PLAGL2: variants seen among roughly 807,000 people sequenced by gnomAD.
PLAGL2 encodes the protein zinc finger protein PLAGL2.
In PLAGL2, 7 loss-of-function variants were observed where a neutral mutation model predicts 29.0. The observed-to-expected ratio is 0.24, with a 90% confidence interval of 0.14 to 0.45. The LOEUF (loss-of-function observed/expected upper bound fraction) is 0.45. Ranked by LOEUF, PLAGL2 falls within the 20% of genes least tolerant of loss-of-function variation. PLAGL2 has a pLI of 0.99. For missense variants in PLAGL2, 454 were observed against 648.2 expected, an observed-to-expected ratio of 0.70 and a Z score of 3.25; for synonymous variants, 234 against 266.0, an observed-to-expected ratio of 0.88 and a Z score of 1.17.
chr20:32,197,391 G>A lies in PLAGL2; in HGVS notation c.552C>T (p.Gly184=), dbSNP rs202188336. ...AGGGGTGCTTCTTCTCCTTGGCACC[G>A]CCTGCTACCCGGCGTGAGTGGGCCT... ...HLKAHSRRVA[G]GAKEKKHPCD... The change falls in exon 3 of 3, where the codon GGC becomes GGT. Residue 184 remains glycine (G), a synonymous_variant. Coordinates refer to ENST00000246229, the MANE Select transcript of PLAGL2 (RefSeq NM_002657.3). This position sits in a 1 kb window ranked among gnomAD's most constrained non-coding sequence, Gnocchi z 6.6. The A allele has an allele frequency of 4.2e-5, 67 of 1,611,194 alleles. No individual in the cohort carries two copies. The East Asian group carries it at 5.6e-4, about 13-fold the overall frequency.
intron 2 of PLAGL2, among the ~76,000 whole-genome samples, chr20:32,201,167 CTT>C (rs1389212734): frequency 1.3e-5 from 2 of 152,172 alleles, no homozygotes; most frequent in Admixed American, 1.3e-4. Context: ...TGAACCTCTA[CTT>C]TAAAATTTAC....
At chr20:32,199,638 C>T (rs2047248696) in intron 2 of PLAGL2, among the ~76,000 whole-genome samples, 1 of 152,138 alleles carries the variant, frequency 6.6e-6, no homozygotes, top group South Asian at 2.1e-4. Context: ...AATTTGAGAT[C>T]ACCCTGCACA....
chr20:32,202,239 GCTCTCAGCTCTGTCACAGC>G lies in PLAGL2; in HGVS notation c.-80_-62del. On this transcript the variant is annotated 5_prime_UTR_variant, in exon 2 of 3. Coordinates refer to ENST00000246229, the MANE Select transcript of PLAGL2 (RefSeq NM_002657.3). ...AAGCCTCCCCATCCGCTCCACACAG[GCTCTCAGCTCTGTCACAGC>G]CTCCAACGCAGCTTTCAGAAAACAA... The G allele has an allele frequency of 1.3e-6, 2 of 1,547,142 alleles. No homozygotes were observed. The highest frequency in any genetic ancestry group is 1.8e-6 in the Non-Finnish European group (2 of 1,128,074).
rs561998326 is a variant in PLAGL2 at position 32,197,793 on chromosome 20, G to A, written c.261-111C>T. ...CAGGAAACTAGATATAAAAACCATG[G>A]TAAAGGCTTGCAATGCAATACCAAA... On this transcript the variant is annotated intron_variant, in intron 2 of 2. Coordinates refer to ENST00000246229, the MANE Select transcript of PLAGL2 (RefSeq NM_002657.3). The surrounding 1 kb of genome is among the most constrained non-coding windows in gnomAD (Gnocchi z 6.6). The A allele has an allele frequency of 1.4e-3, 1,222 of 864,120 alleles. 3 individuals are homozygous for A. The highest frequency in any genetic ancestry group is 1.6e-3 in the Non-Finnish European group (865 of 557,032). The allele number at this position is 864,120 out of a possible 1,614,324, so 53.5% of individuals were successfully genotyped here. A position where few individuals can be genotyped will look rare whatever the true frequency, so the allele number is the denominator to read the frequency against.
In PLAGL2 at chr20:32,193,260, G is replaced by A. The variant is rs1441479865; in HGVS notation, c.*3192C>T. ...CAAAAAGGGAGGGGGGAGTTTAAAG[G>A]ACTACTAGGGAAAGTTTTAGGGCAG... is the stretch of plus-strand genomic sequence containing the variant. On this transcript the variant is annotated 3_prime_UTR_variant, in exon 3 of 3. Transcript: ENST00000246229. 1 of 152,204 alleles carries A rather than the reference G, an allele frequency of 6.6e-6. No individual in the cohort carries two copies. The allele number at this position is 152,204 out of a possible 1,614,324, so 9.4% of individuals were successfully genotyped here. A position where few individuals can be genotyped will look rare whatever the true frequency, so the allele number is the denominator to read the frequency against.
At position 32,196,623 on chromosome 20, in the gene PLAGL2, G is replaced by C. The variant is rs1489391984; in HGVS notation, c.1320C>G (p.Gly440=). ...GGGGCTGTGCCTCAGCCTGGGAGTA[G>C]CCCATGACCAGGCCTCCTGTGGCCC... ...PPGATGGLVM[G]YSQAEAQPLL... is the part of the protein sequence containing the mutation. Residue 440 remains glycine (G), a synonymous_variant, in exon 3 of 3, where the codon GGC becomes GGG. Transcript: ENST00000246229. The C allele has an allele frequency of 6.5e-7, 1 of 1,530,152 alleles. No individual in the cohort carries two copies. The highest frequency in any genetic ancestry group is 8.8e-7 in the Non-Finnish European group (1 of 1,141,532). The allele number at this position is 1,530,152 out of a possible 1,614,324, so 94.8% of individuals were successfully genotyped here.
At position 32,203,565 on chromosome 20, in the gene PLAGL2, T is replaced by C. The variant is rs997065770; in HGVS notation, c.-114-1273A>G. The stretch of plus-strand genomic sequence containing the variant: ...TGCCAAAATTTGATCATGAGGCTTT[T>C]CCATGTGAAGAGAGAAAAGGGGGTG... On this transcript the variant is annotated intron_variant, in intron 1 of 2. Coordinates refer to ENST00000246229, the MANE Select transcript of PLAGL2 (RefSeq NM_002657.3). 1.4e-4 allele frequency among the ~76,000 whole-genome samples: 21 copies of C among 152,230 alleles called. 1 individual carries two copies. Among genetic ancestry groups the C allele is most frequent in the Admixed American group, 6.5e-5 (1 of 15,284 alleles).
intron 2 of PLAGL2, 129 bp downstream of exon 2, chr20:32,201,790 G>T: frequency 4.2e-6 from 3 of 708,828 alleles, no homozygotes; most frequent in Non-Finnish European, 7.0e-6. Flanking sequence ...TTGGCATTCA[G>T]GGTATACTTG....
In PLAGL2 at chr20:32,202,294, T is replaced by TG; in HGVS notation, c.-114-3dup. 1 of 1,027,460 alleles carries TG rather than the reference T, an allele frequency of 9.7e-7. No homozygotes were observed. 63.6% of individuals were successfully genotyped at this position (1,027,460 alleles called of 1,614,324 possible). On this transcript the variant is annotated splice_region_variant and splice_polypyrimidine_tract_variant and intron_variant, in intron 1 of 2. Transcript: ENST00000246229. Reference sequence around the variant, plus strand: ...GCTTTCAGAAAACAATCTCTTCACCTGAAACATCAGAACACCTGGTGTTAG... The same window carrying TG: ...GCTTTCAGAAAACAATCTCTTCACCTGGAAACATCAGAACACCTGGTGTTAG...
chr20:32,207,726 C>A lies in PLAGL2; in HGVS notation c.-200G>T. ...GCCCCGGTAGTGGCGGCGGTCGGGC[C>A]ATTGTGCGGTGCATTGTGGGAGCCG... On this transcript the variant is annotated 5_prime_UTR_variant, in exon 1 of 3. The change abolishes an upstream ATG in the 5' untranslated region. Transcript: ENST00000246229. 1 of 355,124 alleles carries A rather than the reference C, an allele frequency of 2.8e-6. No individual in the cohort carries two copies. The highest frequency in any genetic ancestry group is 4.5e-6 in the Non-Finnish European group (1 of 223,112). The allele number at this position is 355,124 out of a possible 1,614,324, so 22.0% of individuals were successfully genotyped here.
intron 2 of PLAGL2, among the ~76,000 whole-genome samples, chr20:32,198,621 A>G (rs1233731712): frequency 1.3e-5 from 2 of 152,250 alleles, no homozygotes; most frequent in Non-Finnish European, 1.5e-5. Flanking sequence ...TGGGTGACAG[A>G]GCAAGACTCC....
chr20:32,201,991 G>A lies in PLAGL2; in HGVS notation c.188C>T (p.Pro63Leu), dbSNP rs1287763338. The A allele has an allele frequency of 1.2e-6, 2 of 1,613,952 alleles. No individual in the cohort carries two copies. Among genetic ancestry groups the A allele is most frequent in the African/African-American group, 2.7e-5 (2 of 74,916 alleles). ...EKLRPHSLPQ[P>L]EQRPYSCPQL... ...AGGGCAGCTATATGGTCTCTGCTCT[G>A]GTTGCGGGAGGCTGTGAGGCCTCAG... Residue 63 changes from proline (P) to leucine (L), a missense_variant, in exon 2 of 3, where the codon CCA (proline) becomes CTA (leucine). Pro to Leu is a moderately conservative substitution (Grantham distance 98). Coordinates refer to ENST00000246229, the MANE Select transcript of PLAGL2 (RefSeq NM_002657.3).
rs1443944960 is a variant in PLAGL2, at chr20:32,197,579, G to T, written c.364C>A (p.Pro122Thr). ...GAGCAGTGGAGGGCCTCTTTGTTAG[G>T]ATCATGGGTCTGCAGATGGTTCCGC... ...HLRNHLQTHDPNKEALHCSEC... is the reference protein window; with the variant it reads ...HLRNHLQTHDTNKEALHCSEC... The change falls in exon 3 of 3, where the codon CCT (proline) becomes ACT (threonine). Residue 122 changes from proline to threonine, a missense_variant. Pro to Thr is a conservative substitution (Grantham distance 38). Transcript: ENST00000246229. This position sits in a 1 kb window ranked among gnomAD's most constrained non-coding sequence, Gnocchi z 6.6. 6.2e-7 allele frequency: 1 copy of T among 1,614,178 alleles called. No homozygotes were observed. The highest frequency in any genetic ancestry group is 8.5e-7 in the Non-Finnish European group (1 of 1,180,024).
rs755594710 is a variant in PLAGL2, at chr20:32,197,226, C to G, written c.717G>C (p.Lys239Asn). The G allele has an allele frequency of 2.7e-5, 44 of 1,614,182 alleles. No individual in the cohort carries two copies. In the South Asian group the frequency reaches 4.4e-4, roughly 16 times the overall value. The stretch of plus-strand genomic sequence containing the variant: ...TGAGCAGCTCCTGCGAGTGGCTCTT[C>G]TTGACATGACGCGTCAGGTGGTCCT... ...GRKDHLTRHVKKSHSQELLKI... is the reference protein window; with the variant it reads ...GRKDHLTRHVNKSHSQELLKI... Residue 239 changes from lysine (K) to asparagine (N), a missense_variant, in exon 3 of 3, where the codon AAG becomes AAC. This residue lies in a region of PLAGL2 where 247 missense variants were observed against 350.3 expected (regional missense o/e 0.71). Coordinates refer to ENST00000246229, the MANE Select transcript of PLAGL2 (RefSeq NM_002657.3). This position sits in a 1 kb window ranked among gnomAD's most constrained non-coding sequence, Gnocchi z 6.6.
At chr20:32,202,868 A>G (rs1380584310) in intron 1 of PLAGL2, among the ~76,000 whole-genome samples, 1 of 152,206 alleles carries the variant, frequency 6.6e-6, no homozygotes, top group Admixed American at 6.5e-5. Flanking sequence ...TTAGCAGTGC[A>G]TCAACATCAG....
chr20:32,197,182 A>G lies in PLAGL2; in HGVS notation c.761T>C (p.Val254Ala), dbSNP rs1472350237. The G allele has an allele frequency of 6.2e-7, 1 of 1,614,204 alleles. No homozygotes were observed. Among genetic ancestry groups the G allele is most frequent in the Non-Finnish European group, 8.5e-7 (1 of 1,180,030 alleles). Reference protein sequence around the residue: ...QELLKIKTEPVDMLGLLSCSS... With the variant: ...QELLKIKTEPADMLGLLSCSS... ...GCAGCTGAGTAGGCCTAACATGTCCACGGGCTCTGTCTTGATCTTGAGCAG... is the reference window on the plus strand; with the variant it reads ...GCAGCTGAGTAGGCCTAACATGTCCGCGGGCTCTGTCTTGATCTTGAGCAG... The change falls in exon 3 of 3, where the codon GTG becomes GCG. Residue 254 changes from valine to alanine, a missense_variant. By Grantham distance (64) the Val-to-Ala change is moderately conservative (BLOSUM62 0). This residue lies in a region of PLAGL2 where 247 missense variants were observed against 350.3 expected (regional missense o/e 0.71). Transcript: ENST00000246229. The surrounding 1 kb of genome is among the most constrained non-coding windows in gnomAD (Gnocchi z 6.6).
intron 2 of PLAGL2, among the ~76,000 whole-genome samples, chr20:32,199,331 G>A (rs1318946593): frequency 6.6e-6 from 1 of 152,190 alleles, no homozygotes; most frequent in East Asian, 1.9e-4. Flanking sequence ...AACCTCCTGT[G>A]ATGGAACTGA....
At position 32,197,990 on chromosome 20, in the gene PLAGL2, C is replaced by A. The variant is rs937363252; in HGVS notation, c.261-308G>T. ...AAGTCCATAAAATGACTCAACTTTTCAAAAATGAGGCTTTTTGTGTACTTA... is the reference window on the plus strand; with the variant it reads ...AAGTCCATAAAATGACTCAACTTTTAAAAAATGAGGCTTTTTGTGTACTTA... On this transcript the variant is annotated intron_variant, in intron 2 of 2. Transcript: ENST00000246229. This position sits in a 1 kb window ranked among gnomAD's most constrained non-coding sequence, Gnocchi z 6.6. Among the ~76,000 whole-genome samples the A allele has an allele frequency of 2.0e-5, 3 of 152,078 alleles. No homozygotes were observed. The highest frequency in any genetic ancestry group is 7.2e-5 in the African/African-American group (3 of 41,398).
rs2047238261 is a variant in PLAGL2, at chr20:32,197,764, T to G, written c.261-82A>C. ...ATGACTGGACAACCAAAGGTGTCCA[T>G]TAACAGGAAACTAGATATAAAAACC... On this transcript the variant is annotated intron_variant, in intron 2 of 2. Coordinates refer to ENST00000246229, the MANE Select transcript of PLAGL2 (RefSeq NM_002657.3). This position sits in a 1 kb window ranked among gnomAD's most constrained non-coding sequence, Gnocchi z 6.6. The G allele has an allele frequency of 2.6e-6, 3 of 1,149,202 alleles. No individual in the cohort carries two copies. Among genetic ancestry groups the G allele is most frequent in the Non-Finnish European group, 3.8e-6 (3 of 797,168 alleles). The allele number at this position is 1,149,202 out of a possible 1,614,324, so 71.2% of individuals were successfully genotyped here.
Sources: allele counts gnomAD v4.1 joint callset (sites outside exome capture counted in the v4.1 genomes callset), GRCh38; gene constraint gnomAD v4.1.1; regional missense constraint gnomAD v4.1.1; non-coding constraint Gnocchi (gnomAD v3.1); transcripts MANE v1.5; gene names NCBI Gene and HGNC (gene_info 2026-07-23, HGNC 2026-07-21).